The following MRPS11 variants were observed in gnomAD, a reference collection of about 807,000 sequenced individuals.
The protein encoded by MRPS11 is small ribosomal subunit protein uS11m.
In MRPS11, 27 loss-of-function variants were observed where a neutral mutation model predicts 24.3. That is an observed-to-expected ratio of 1.11 (90% CI 0.82 to 1.53). The LOEUF (loss-of-function observed/expected upper bound fraction) is 1.53. Among genes scored for constraint, MRPS11 ranks in the 40% most tolerant of loss-of-function variants. MRPS11 has a pLI of 0.00. For synonymous variants in MRPS11, 104 were observed against 98.7 expected (o/e 1.05, Z -0.32); for missense variants, 277 against 256.5 (o/e 1.08, Z -0.55).
rs377446337 is a variant in MRPS11, at chr15:88,477,767, G to C, written c.478-105G>C. The stretch of plus-strand genomic sequence containing the variant: ...AAGCCAGTGAGCATCTCACCCCTCC[G>C]TTCCCTTCTCTACGCCACCCTGTCC... On this transcript the variant is annotated intron_variant, in intron 5 of 5. Transcript: ENST00000325844. This position sits in a 1 kb window ranked among gnomAD's most constrained non-coding sequence, Gnocchi z 5.7. The C allele has an allele frequency of 1.1e-6, 1 of 930,050 alleles. No homozygotes were observed. The allele number at this position is 930,050 out of a possible 1,614,324, so 57.6% of individuals were successfully genotyped here. A position where few individuals can be genotyped will look rare whatever the true frequency, so the allele number is the denominator to read the frequency against.
chr15:88,471,703 T>A (rs2055707459), intron 2 of MRPS11, among the ~76,000 whole-genome samples: 1 of 152,368 alleles, frequency 6.6e-6, no homozygotes, highest in African/African-American at 2.4e-5. Flanking sequence ...ATTGTATTAA[T>A]AAGTTAACTT....
In MRPS11 at chr15:88,478,007, A is replaced by T. The variant is rs2055859576; in HGVS notation, c.*28A>T. 5 of 1,579,710 alleles carry T rather than the reference A, an allele frequency of 3.2e-6. No individual in the cohort carries two copies. Among genetic ancestry groups the T allele is most frequent in the Non-Finnish European group, 4.4e-6 (5 of 1,148,942 alleles). The stretch of plus-strand genomic sequence containing the variant: ...GGAAGGAGGCCTGCACTTGGACCTG[A>T]CCTCAAGCCTCAGCTCCAGTGGGAC... On this transcript the variant is annotated 3_prime_UTR_variant, in exon 6 of 6. Coordinates refer to ENST00000325844, the MANE Select transcript of MRPS11 (RefSeq NM_022839.5). The surrounding 1 kb of genome is among the most constrained non-coding windows in gnomAD (Gnocchi z 4.7).
Position 88,477,804 on chromosome 15 carries a change from C to T in MRPS11, c.478-68C>T. 6.9e-7 allele frequency: 1 copy of T among 1,441,130 alleles called. No individual in the cohort carries two copies. The highest frequency in any genetic ancestry group is 9.7e-7 in the Non-Finnish European group (1 of 1,030,626). 89.3% of individuals were successfully genotyped at this position (1,441,130 alleles called of 1,614,324 possible). On this transcript the variant is annotated intron_variant, in intron 5 of 5. Transcript: ENST00000325844. The surrounding 1 kb of genome is among the most constrained non-coding windows in gnomAD (Gnocchi z 5.7). ...ACGCCACCCTGTCCCTCTCCGAACCCTGCCTGGAGACACTGGATCATCATT... is the reference window on the plus strand; with the variant it reads ...ACGCCACCCTGTCCCTCTCCGAACCTTGCCTGGAGACACTGGATCATCATT...
chr15:88,477,128 C>A lies in MRPS11; in HGVS notation c.477+74C>A. ...GAATTTGGGGCTTGAGAGCAGAGTA[C>A]AGGGAGAGTAGAAAACACCTTTTAG... On this transcript the variant is annotated intron_variant, in intron 5 of 5. Coordinates refer to ENST00000325844, the MANE Select transcript of MRPS11 (RefSeq NM_022839.5). This position sits in a 1 kb window ranked among gnomAD's most constrained non-coding sequence, Gnocchi z 5.7. 1 of 1,376,604 alleles carries A rather than the reference C, an allele frequency of 7.3e-7. No homozygotes were observed. Among genetic ancestry groups the A allele is most frequent in the Non-Finnish European group, 1.0e-6 (1 of 975,154 alleles). 85.3% of individuals were successfully genotyped at this position (1,376,604 alleles called of 1,614,324 possible).
chr15:88,478,711 G>C lies in MRPS11; in HGVS notation c.*732G>C, dbSNP rs1321433427. The C allele has an allele frequency of 6.6e-6, 1 of 152,252 alleles. No homozygotes were observed. The highest frequency in any genetic ancestry group is 2.4e-5 in the African/African-American group (1 of 41,440). 9.4% of individuals were successfully genotyped at this position (152,252 alleles called of 1,614,324 possible). A position where few individuals can be genotyped will look rare whatever the true frequency, so the allele number is the denominator to read the frequency against. ...AGAGTTGTACAAAACATGATTCTTG[G>C]CCAGGCACGGTGGCTCACACCTGTA... On this transcript the variant is annotated 3_prime_UTR_variant, in exon 6 of 6. Coordinates refer to ENST00000325844, the MANE Select transcript of MRPS11 (RefSeq NM_022839.5). The surrounding 1 kb of genome is among the most constrained non-coding windows in gnomAD (Gnocchi z 4.7).
intron 3 of MRPS11, among the ~76,000 whole-genome samples, chr15:88,473,952 G>A (rs1489480396): frequency 6.6e-6 from 1 of 152,228 alleles, no homozygotes; most frequent in Non-Finnish European, 1.5e-5. Context: ...CACTTTGGGA[G>A]GATCACTTGA....
intron 3 of MRPS11, among the ~76,000 whole-genome samples, 197 bp downstream of exon 3, chr15:88,472,922 G>A (rs2055745883): frequency 6.6e-6 from 1 of 152,168 alleles, no homozygotes; most frequent in South Asian, 2.1e-4. Flanking sequence ...ATAAAAATGT[G>A]AAATAGGGTG....
Position 88,472,627 on chromosome 15 carries a change from C to G in MRPS11, c.183C>G (p.Ser61Arg). The change falls in exon 3 of 6, where the codon AGC becomes AGG. Residue 61 changes from serine (S) to arginine (R), a missense_variant and splice_region_variant. Ser to Arg is a moderately radical substitution (Grantham distance 110, BLOSUM62 -1). Transcript: ENST00000325844. ...QNAAPSHTKF[S>R]IYPPIPGEES... is the part of the protein sequence containing the mutation. ...AATAAAATCTTTCTTCTAATTGCAG[C>G]ATTTACCCTCCCATTCCAGGAGAGG... The G allele has an allele frequency of 6.2e-7, 1 of 1,611,442 alleles. No homozygotes were observed. Among genetic ancestry groups the G allele is most frequent in the Non-Finnish European group, 8.5e-7 (1 of 1,177,968 alleles).
intron 2 of MRPS11, chr15:88,472,252 A>C (rs1343188844): frequency 2.2e-5 from 4 of 180,484 alleles, no homozygotes; most frequent in Non-Finnish European, 3.5e-5. Flanking sequence ...GATATTGTCT[A>C]TGGTTGATGA....
rs1331028362 is a variant in MRPS11, at chr15:88,477,748, G to T, written c.478-124G>T. Reference sequence around the variant, plus strand: ...ATTGGGATTATAGGTATCAAAGCCAGTGAGCATCTCACCCCTCCGTTCCCT... The same window carrying T: ...ATTGGGATTATAGGTATCAAAGCCATTGAGCATCTCACCCCTCCGTTCCCT... On this transcript the variant is annotated intron_variant, in intron 5 of 5. Coordinates refer to ENST00000325844, the MANE Select transcript of MRPS11 (RefSeq NM_022839.5). The surrounding 1 kb of genome is among the most constrained non-coding windows in gnomAD (Gnocchi z 5.7). 1 of 782,372 alleles carries T rather than the reference G, an allele frequency of 1.3e-6. No homozygotes were observed. The highest frequency in any genetic ancestry group is 1.7e-5 in the African/African-American group (1 of 58,522). The allele number at this position is 782,372 out of a possible 1,614,324, so 48.5% of individuals were successfully genotyped here.
Position 88,477,787 on chromosome 15 carries a change from C to T in MRPS11, c.478-85C>T. ...CCTCCGTTCCCTTCTCTACGCCACC[C>T]TGTCCCTCTCCGAACCCTGCCTGGA... is the stretch of plus-strand genomic sequence containing the variant. On this transcript the variant is annotated intron_variant, in intron 5 of 5. Transcript: ENST00000325844. The surrounding 1 kb of genome is among the most constrained non-coding windows in gnomAD (Gnocchi z 5.7). 1 of 1,184,870 alleles carries T rather than the reference C, an allele frequency of 8.4e-7. No individual in the cohort carries two copies. The highest frequency in any genetic ancestry group is 2.5e-5 in the East Asian group (1 of 40,466). The allele number at this position is 1,184,870 out of a possible 1,614,324, so 73.4% of individuals were successfully genotyped here.
Position 88,475,069 on chromosome 15 carries a change from A to G in MRPS11, c.282-41A>G, listed in dbSNP as rs1227474951. ...AGATTAGCTCTCTCTTATTTCCCTGAAGAAGAGTTGTATCCTATGTGCTTC... is the reference window on the plus strand; with the variant it reads ...AGATTAGCTCTCTCTTATTTCCCTGGAGAAGAGTTGTATCCTATGTGCTTC... On this transcript the variant is annotated intron_variant, in intron 3 of 5. Coordinates refer to ENST00000325844, the MANE Select transcript of MRPS11 (RefSeq NM_022839.5). The surrounding 1 kb of genome is among the most constrained non-coding windows in gnomAD (Gnocchi z 4.1). The G allele has an allele frequency of 6.2e-7, 1 of 1,608,630 alleles. No individual in the cohort carries two copies. Among genetic ancestry groups the G allele is most frequent in the Admixed American group, 1.7e-5 (1 of 59,470 alleles).
chr15:88,470,048 G>T (rs144601154), intron 2 of MRPS11, among the ~76,000 whole-genome samples: 54 of 152,268 alleles, frequency 3.5e-4, no homozygotes, highest in Non-Finnish European at 1.5e-4. Flanking sequence ...CGGGCGCGGT[G>T]GCTCACACCT....
chr15:88,470,003 C>T (rs534527445), intron 2 of MRPS11, among the ~76,000 whole-genome samples: 22 of 152,228 alleles, frequency 1.4e-4, no homozygotes, highest in African/African-American at 4.8e-4. Flanking sequence ...CAAGTGGAGA[C>T]ACAATGTAGA....
chr15:88,479,201 G>C lies in MRPS11; in HGVS notation c.*1222G>C, dbSNP rs2142224274. ...ACTGCTCCTCTGTTGGGGCTCTAGG[G>C]TTCCTGGATACGGCACAGAGGCCAA... On this transcript the variant is annotated 3_prime_UTR_variant, in exon 6 of 6. Transcript: ENST00000325844. 1 of 152,330 alleles carries C rather than the reference G, an allele frequency of 6.6e-6. No individual in the cohort carries two copies. The highest frequency in any genetic ancestry group is 2.4e-5 in the African/African-American group (1 of 41,546). The allele number at this position is 152,330 out of a possible 1,614,324, so 9.4% of individuals were successfully genotyped here.
intron 2 of MRPS11, chr15:88,468,404 C>G: frequency 9.1e-7 from 1 of 1,093,912 alleles, no homozygotes; most frequent in Non-Finnish European, 1.1e-6. Context: ...TGTTCCTGCA[C>G]GTCTTACGGA....
In MRPS11 at chr15:88,480,522, T is replaced by C. The variant is rs879922408; in HGVS notation, c.*2543T>C. On this transcript the variant is annotated 3_prime_UTR_variant, in exon 6 of 6. Coordinates refer to ENST00000325844, the MANE Select transcript of MRPS11 (RefSeq NM_022839.5). This position sits in a 1 kb window ranked among gnomAD's most constrained non-coding sequence, Gnocchi z 5.1. The stretch of plus-strand genomic sequence containing the variant: ...ACACACCATAGTTTTTAAAATGTTA[T>C]TTTACTCACAAGAGGGCTTTGGAAA... The C allele has an allele frequency of 3.3e-5, 5 of 152,192 alleles. No individual in the cohort carries two copies. Among genetic ancestry groups the C allele is most frequent in the Non-Finnish European group, 5.9e-5 (4 of 68,062 alleles). 9.4% of individuals were successfully genotyped at this position (152,192 alleles called of 1,614,324 possible).
Position 88,475,323 on chromosome 15 carries a change from C to T in MRPS11, c.411+84C>T, listed in dbSNP as rs1400958172. Reference sequence around the variant, plus strand: ...CACTGAGTGGAGAATCCTCATTATACTACCCATTCAGAAGCAAGGGTTTGT... The same window carrying T: ...CACTGAGTGGAGAATCCTCATTATATTACCCATTCAGAAGCAAGGGTTTGT... On this transcript the variant is annotated intron_variant, in intron 4 of 5. Coordinates refer to ENST00000325844, the MANE Select transcript of MRPS11 (RefSeq NM_022839.5). This position sits in a 1 kb window ranked among gnomAD's most constrained non-coding sequence, Gnocchi z 4.1. 3 of 1,564,530 alleles carry T rather than the reference C, an allele frequency of 1.9e-6. No homozygotes were observed. The highest frequency in any genetic ancestry group is 1.8e-5 in the Admixed American group (1 of 56,482).
Position 88,467,769 on chromosome 15 carries a change from C to T in MRPS11, c.52C>T (p.Pro18Ser). The change falls in exon 1 of 6, where the codon CCC becomes TCC. Residue 18 changes from proline to serine, a missense_variant. Pro to Ser is a moderately conservative substitution (Grantham distance 74). Coordinates refer to ENST00000325844, the MANE Select transcript of MRPS11 (RefSeq NM_022839.5). The part of the protein sequence containing the change: ...GSRFLRSWTW[P>S]QTAGRVVART... The stretch of plus-strand genomic sequence containing the variant: ...GCGGTTCCTGCGGTCCTGGACTTGG[C>T]CCCAGACAGCCGGGTAACAAATGAC... 3 of 1,614,050 alleles carry T rather than the reference C, an allele frequency of 1.9e-6. No individual in the cohort carries two copies. Among genetic ancestry groups the T allele is most frequent in the Non-Finnish European group, 1.7e-6 (2 of 1,180,004 alleles).
Sources: allele counts gnomAD v4.1 joint callset (sites outside exome capture counted in the v4.1 genomes callset), GRCh38; gene constraint gnomAD v4.1.1; non-coding constraint Gnocchi (gnomAD v3.1); transcripts MANE v1.5; gene names NCBI Gene and HGNC (gene_info 2026-07-23, HGNC 2026-07-21).